Variants in CFAP410 observed in about 807,000 individuals in gnomAD.
The protein encoded by CFAP410 is cilia- and flagella-associated protein 410.
A neutral mutation model predicts 25.7 loss-of-function variants in CFAP410; 27 were observed. That is an observed-to-expected ratio of 1.05 (90% CI 0.77 to 1.45). The LOEUF (loss-of-function observed/expected upper bound fraction) is 1.45, where lower values mean the gene tolerates loss of function less well. Ranked by LOEUF, CFAP410 falls within the 40% of genes most tolerant of loss-of-function variation. The pLI, the probability that CFAP410 is intolerant of heterozygous loss-of-function variation, is 0.00. For missense variants in CFAP410, 428 were observed against 354.1 expected, an observed-to-expected ratio of 1.21 and a Z score of -1.67; for synonymous variants, 178 against 158.4, an observed-to-expected ratio of 1.12 and a Z score of -0.93.
Position 44,330,302 on chromosome 21 carries a change from G to A in CFAP410, c.667C>T (p.Leu223=). The A allele has an allele frequency of 6.2e-7, 1 of 1,610,886 alleles. No homozygotes were observed. Among genetic ancestry groups the A allele is most frequent in the Non-Finnish European group, 8.5e-7 (1 of 1,179,140 alleles). ...GRNVLTAILL[L]LRELDAEGLE... Reference sequence around the variant, plus strand: ...CCCTCTGCATCCAGCTCCCGCAGCAGCAGCAGGATGGCAGTCAGGACGTTC... The same window carrying A: ...CCCTCTGCATCCAGCTCCCGCAGCAACAGCAGGATGGCAGTCAGGACGTTC... The change falls in exon 7 of 7, where the codon CTG becomes TTG. Residue 223 remains leucine, a synonymous_variant. Coordinates refer to ENST00000339818, the MANE Select transcript of CFAP410 (RefSeq NM_004928.3).
At chr21:44,334,188 G>A (rs1027373545) in intron 3 of CFAP410, 4 of 456,208 alleles carry the variant, frequency 8.8e-6, no homozygotes, top group African/African-American at 2.0e-5. Flanking sequence ...GCAGTCAGGC[G>A]TGCAGGCACC....
intron 3 of CFAP410, chr21:44,333,688 A>G (rs1466930515): frequency 4.9e-5 from 15 of 305,216 alleles, no homozygotes; most frequent in Admixed American, 4.8e-5. Flanking sequence ...GGGAGTGAGC[A>G]CGGACCTTCC....
At chr21:44,336,381 C>G (rs1393090582) in intron 2 of CFAP410, among the ~76,000 whole-genome samples, 1 of 152,168 alleles carries the variant, frequency 6.6e-6, no homozygotes, top group Non-Finnish European at 1.5e-5. Flanking sequence ...CCAATGTCCC[C>G]TACGCAGGGA....
At chr21:44,330,731 C>A in intron 6 of CFAP410, 92 bp downstream of exon 6, 2 of 1,549,816 alleles carry the variant, frequency 1.3e-6, no homozygotes, top group Non-Finnish European at 1.7e-6. Context: ...CCCCACGGGG[C>A]CCTGTGAGGC....
chr21:44,330,998 C>A, intron 5 of CFAP410, 79 bp from the exon 6 acceptor site: 1 of 1,284,800 alleles, frequency 7.8e-7, no homozygotes, highest in South Asian at 1.5e-5. Context: ...GTCTGCGGGT[C>A]GCATCCAAGC....
intron 2 of CFAP410, 173 bp from the exon 3 acceptor site, chr21:44,335,977 G>A (rs1323289919): frequency 1.8e-5 from 10 of 556,992 alleles, no homozygotes; most frequent in African/African-American, 9.9e-5. Flanking sequence ...TGAGGGGAGC[G>A]GCCCTGCTCA....
intron 1 of CFAP410, chr21:44,338,739 T>C (rs1344606649): frequency 1.0e-4 from 2 of 19,666 alleles, no homozygotes; most frequent in Admixed American, 1.4e-3. Context: ...CCCTCGCCCC[T>C]GCCCCTCCCC....
intron 6 of CFAP410, 132 bp from the exon 7 acceptor site, chr21:44,330,458 C>A: frequency 6.5e-7 from 1 of 1,533,178 alleles, no homozygotes; most frequent in South Asian, 1.2e-5. Flanking sequence ...GTCCAAGTGA[C>A]TGACCGGCAC....
chr21:44,329,903 A>G lies in CFAP410; in HGVS notation c.*295T>C, dbSNP rs2047609826. The G allele has an allele frequency of 2.7e-6, 1 of 364,306 alleles. No homozygotes were observed. The highest frequency in any genetic ancestry group is 5.2e-5 in the South Asian group (1 of 19,284). 22.6% of individuals were successfully genotyped at this position (364,306 alleles called of 1,614,324 possible). On this transcript the variant is annotated 3_prime_UTR_variant, in exon 7 of 7. Transcript: ENST00000339818. ...TCACCTCCAGATCAACCTTGGGAAA[A>G]TCTTTTATTAGGGAGGACAGCCTGC...
chr21:44,339,083 C>T (rs185961242), intron 1 of CFAP410, 35 bp downstream of exon 1: 5 of 1,354,158 alleles, frequency 3.7e-6, no homozygotes, highest in East Asian at 3.1e-5. Flanking sequence ...CTCCTCCCCC[C>T]ACCCCGGGGC....
In CFAP410 at chr21:44,330,938, C is replaced by T. The variant is rs749534090; in HGVS notation, c.546-19G>A. 33 of 1,564,118 alleles carry T rather than the reference C, an allele frequency of 2.1e-5. No individual in the cohort carries two copies. The highest frequency in any genetic ancestry group is 2.7e-5 in the Non-Finnish European group (31 of 1,150,176). On this transcript the variant is annotated intron_variant, in intron 5 of 6. Transcript: ENST00000339818. The stretch of plus-strand genomic sequence containing the variant: ...GCCGCTGCTGAGAGGGAGACAAAGG[C>T]GTGTGAGGGTCAGGGGGCTCGTGGC...
At position 44,335,978 on chromosome 21, in the gene CFAP410, GCC is replaced by G. The variant is rs2047745953; in HGVS notation, c.97-176_97-175del. The stretch of plus-strand genomic sequence containing the variant: ...GAATGCCCAGGGCCTGAGGGGAGCG[GCC>G]CTGCTCAGCCAGTGTGCCCAGGGTG... On this transcript the variant is annotated intron_variant, in intron 2 of 6. Transcript: ENST00000339818. 1.3e-5 allele frequency: 7 copies of G among 550,660 alleles called. No individual in the cohort carries two copies. The African/African-American group carries it at 1.4e-4, about 11-fold the overall frequency. 34.1% of individuals were successfully genotyped at this position (550,660 alleles called of 1,614,324 possible). A position where few individuals can be genotyped will look rare whatever the true frequency, so the allele number is the denominator to read the frequency against.
intron 4 of CFAP410, 81 bp downstream of exon 4, chr21:44,332,952 G>C (rs2047678624): frequency 9.6e-6 from 9 of 936,250 alleles, no homozygotes; most frequent in South Asian, 7.9e-5. Flanking sequence ...TTGCAGAAAA[G>C]GAGAAGAGAA....
At chr21:44,336,498 G>C (rs910591772) in intron 2 of CFAP410, among the ~76,000 whole-genome samples, 1 of 152,108 alleles carries the variant, frequency 6.6e-6, no homozygotes, top group Non-Finnish European at 1.5e-5. Flanking sequence ...GTCAATTCAG[G>C]GGTGAGGTGC....
rs189695721 is a variant in CFAP410 at position 44,335,852 on chromosome 21, G to A, written c.97-48C>T. 2.0e-4 allele frequency: 288 copies of A among 1,414,492 alleles called. 2 individuals carry two copies. In the East Asian group the frequency reaches 5.8e-3, roughly 29 times the overall value. 87.6% of individuals were successfully genotyped at this position (1,414,492 alleles called of 1,614,324 possible). A position where few individuals can be genotyped will look rare whatever the true frequency, so the allele number is the denominator to read the frequency against. ...AGCAAGCATGGCACAGCAGGGCATC[G>A]CGGCCGCACTGCCATCAGCCACAGA... On this transcript the variant is annotated intron_variant, in intron 2 of 6. Coordinates refer to ENST00000339818, the MANE Select transcript of CFAP410 (RefSeq NM_004928.3).
intron 1 of CFAP410, among the ~76,000 whole-genome samples, chr21:44,338,007 C>T (rs1382279950): frequency 5.3e-5 from 8 of 152,158 alleles, no homozygotes; most frequent in African/African-American, 1.4e-4. Context: ...TAAACAAGGG[C>T]GTCTTTATAA....
rs373929199 is a variant in CFAP410, at chr21:44,330,613, G to A, written c.642+210C>T. ...GCAGGAGAGGCTGAGGGGCCAGGAC[G>A]GCTCCGTGCGGGGCACGTGTTACAC... On this transcript the variant is annotated intron_variant, in intron 6 of 6. Transcript: ENST00000339818. 1.2e-5 allele frequency: 19 copies of A among 1,549,854 alleles called. No individual in the cohort carries two copies. Among genetic ancestry groups the A allele is most frequent in the East Asian group, 1.2e-4 (5 of 40,926 alleles).
chr21:44,330,444 G>A, intron 6 of CFAP410, 118 bp from the exon 7 acceptor site: 2 of 1,540,010 alleles, frequency 1.3e-6, no homozygotes, highest in Non-Finnish European at 1.8e-6. Flanking sequence ...CGGGGGTGTG[G>A]GCCGTCCAAG....
At chr21:44,334,659 C>G in intron 3 of CFAP410, 2 of 269,012 alleles carry the variant, frequency 7.4e-6, no homozygotes, top group South Asian at 7.0e-5. Context: ...AACTGAGGCA[C>G]AGAGAGGGCC....
Sources: gnomAD v4.1 joint callset for allele counts (sites outside exome capture counted in the v4.1 genomes callset) on GRCh38, gnomAD v4.1.1 for gene constraint, MANE v1.5 for transcripts, NCBI Gene and HGNC (gene_info 2026-07-23, HGNC 2026-07-21) for gene names.